GRID2: variants seen among roughly 807,000 people sequenced by gnomAD.
GRID2 encodes glutamate ionotropic receptor delta type subunit 2.
Under a neutral mutation model 114.8 loss-of-function variants are expected in GRID2, and 33 were observed. The ratio of observed to expected loss-of-function variants is 0.29; its 90% CI spans 0.22 to 0.38. The LOEUF is 0.38. Among genes scored for constraint, GRID2 ranks in the 10% least tolerant of loss-of-function variants. The pLI is 1.00. For synonymous variants in GRID2, 505 were observed against 449.9 expected (o/e 1.12, Z -1.55); for missense variants, 1,184 against 1,257.7 (o/e 0.94, Z 0.89).
intron 2 of GRID2, among the ~76,000 whole-genome samples, chr4:93,030,617 T>A (rs1724323270): frequency 6.6e-6 from 1 of 152,010 alleles, no homozygotes; most frequent in African/African-American, 2.4e-5. Context: ...ACTCCTGACC[T>A]CAAGCAATCC....
chr4:93,198,108 GA>G (rs200479278), intron 4 of GRID2, among the ~76,000 whole-genome samples: 2 of 151,744 alleles, frequency 1.3e-5, no homozygotes, highest in Non-Finnish European at 2.9e-5. Context: ...CAACATTTAG[GA>G]AAAAAAATCT....
At chr4:93,521,696 G>A (rs1195936097) in intron 13 of GRID2, among the ~76,000 whole-genome samples, 1 of 151,890 alleles carries the variant, frequency 6.6e-6, no homozygotes, top group African/African-American at 2.4e-5. Flanking sequence ...AAGAGATTAT[G>A]AGAACCAGGT....
intron 2 of GRID2, among the ~76,000 whole-genome samples, chr4:93,001,988 C>T (rs1267859467): frequency 6.7e-6 from 1 of 150,298 alleles, no homozygotes; most frequent in African/African-American, 2.4e-5. Flanking sequence ...AAAAATTTTA[C>T]ACACTTTTTT....
chr4:93,196,907 G>A (rs1741557342), intron 4 of GRID2, among the ~76,000 whole-genome samples: 1 of 152,140 alleles, frequency 6.6e-6, no homozygotes, highest in African/African-American at 2.4e-5. Flanking sequence ...GAATATACAT[G>A]TGTATGTGAC....
intron 1 of GRID2, among the ~76,000 whole-genome samples, chr4:92,306,996 T>A (rs1725443499): frequency 6.6e-6 from 1 of 152,142 alleles, no homozygotes; most frequent in African/African-American, 2.4e-5. Context: ...CTTTATCTTT[T>A]ATAATATATC....
chr4:92,391,482 T>C (rs1730236260), intron 1 of GRID2, among the ~76,000 whole-genome samples: 1 of 152,148 alleles, frequency 6.6e-6, no homozygotes. Context: ...TTATTATAGC[T>C]ACTTACCATT....
intron 14 of GRID2, among the ~76,000 whole-genome samples, chr4:93,632,702 T>C (rs1221202891): frequency 6.6e-6 from 1 of 152,198 alleles, no homozygotes; most frequent in Non-Finnish European, 1.5e-5. Flanking sequence ...CAATGCGGGC[T>C]CTTTTTTGGT....
intron 1 of GRID2, among the ~76,000 whole-genome samples, chr4:92,450,665 C>T (rs1198379573): frequency 6.6e-6 from 1 of 151,658 alleles, no homozygotes; most frequent in African/African-American, 2.4e-5. Flanking sequence ...GATTTTTCTA[C>T]TCATATGATA....
chr4:93,113,898 G>A (rs151269228), intron 4 of GRID2, among the ~76,000 whole-genome samples: 4 of 152,196 alleles, frequency 2.6e-5, no homozygotes, highest in South Asian at 2.1e-4. Flanking sequence ...CCACGGAGGC[G>A]GGGCATGCAG....
intron 8 of GRID2, among the ~76,000 whole-genome samples, chr4:93,385,086 T>C (rs1289890495): frequency 6.6e-6 from 1 of 152,166 alleles, no homozygotes; most frequent in African/African-American, 2.4e-5. Context: ...GCATACTTCC[T>C]CATCTGATGA....
At chr4:93,162,269 C>T (rs911441382) in intron 4 of GRID2, among the ~76,000 whole-genome samples, 1 of 151,912 alleles carries the variant, frequency 6.6e-6, no homozygotes, top group Admixed American at 6.6e-5. Flanking sequence ...AATATGAAGA[C>T]AGTGCTTAAT....
chr4:92,529,540 GA>G (rs1052981169), intron 1 of GRID2, among the ~76,000 whole-genome samples: 32 of 152,046 alleles, frequency 2.1e-4, no homozygotes, highest in Non-Finnish European at 2.2e-4. Flanking sequence ...AAAGACATGT[GA>G]AAACATACTG....
intron 2 of GRID2, among the ~76,000 whole-genome samples, chr4:92,725,016 G>A (rs928562552): frequency 6.6e-6 from 1 of 152,070 alleles, no homozygotes; most frequent in Non-Finnish European, 1.5e-5. Context: ...TAAGGAGTTA[G>A]GGGGCTGGGC....
At chr4:93,699,407 C>T (rs751813471) in intron 14 of GRID2, among the ~76,000 whole-genome samples, 9 of 151,978 alleles carry the variant, frequency 5.9e-5, no homozygotes, top group African/African-American at 2.2e-4. Context: ...CAGGTGAGGA[C>T]GTATTAAGAC....
chr4:92,530,907 G>C, intron 1 of GRID2, among the ~76,000 whole-genome samples: 1 of 151,606 alleles, frequency 6.6e-6, no homozygotes, highest in South Asian at 2.1e-4. Context: ...ACTCCATCTT[G>C]GCGGGGGGGG....
At chr4:92,475,584 A>AT in intron 1 of GRID2, among the ~76,000 whole-genome samples, 1 of 151,934 alleles carries the variant, frequency 6.6e-6, no homozygotes, top group Admixed American at 6.6e-5. Context: ...GCTTTGTAGT[A>AT]TTTTTTGAAA....
At chr4:93,556,896 T>C (rs979171152) in intron 13 of GRID2, among the ~76,000 whole-genome samples, 2 of 152,220 alleles carry the variant, frequency 1.3e-5, no homozygotes, top group African/African-American at 4.8e-5. Flanking sequence ...CAGATCTCTC[T>C]GCAGAAATCC....
At chr4:92,534,430 CAG>C (rs1370888629) in intron 1 of GRID2, among the ~76,000 whole-genome samples, 4 of 151,992 alleles carry the variant, frequency 2.6e-5, no homozygotes, top group Admixed American at 2.6e-4. Flanking sequence ...AAGATAAAAA[CAG>C]GGTAAATTAT....
rs1742590095 is a variant in GRID2 at position 93,205,305 on chromosome 4, A to G, written c.736-2099A>G. Among the ~76,000 whole-genome samples the G allele has an allele frequency of 2.0e-5, 3 of 152,022 alleles. No homozygotes were observed. In the South Asian group the frequency reaches 6.2e-4, roughly 31 times the overall value. On this transcript the variant is annotated intron_variant, in intron 4 of 15. Coordinates refer to ENST00000282020, the MANE Select transcript of GRID2 (RefSeq NM_001510.4). ...TCACCTATAAGTGGAGTATACATAT[A>G]TTTCAAAAATGATAATAATAGTCCC...
Sources: allele counts gnomAD v4.1 joint callset (sites outside exome capture counted in the v4.1 genomes callset), GRCh38; gene constraint gnomAD v4.1.1; transcripts MANE v1.5; gene names NCBI Gene and HGNC (gene_info 2026-07-23, HGNC 2026-07-21).